Variants in TENM4 observed in about 807,000 individuals in gnomAD.
TENM4 encodes the protein teneurin transmembrane protein 4, also known as teneurin-4.
Under a neutral mutation model 243.3 loss-of-function variants are expected in TENM4, and 82 were observed. The observed-to-expected ratio is 0.34, with a 90% CI of 0.28 to 0.40. The LOEUF is 0.40. Among genes scored for constraint, TENM4 ranks in the 10% least tolerant of loss-of-function variants. The pLI is 1.00. For synonymous variants in TENM4, 1,412 were observed against 1,456.3 expected (o/e 0.97, Z 0.69); for missense variants, 3,138 against 3,673.3 (o/e 0.85, Z 3.77).
intron 18 of TENM4, among the ~76,000 whole-genome samples, chr11:78,765,704 T>C (rs1236115836): frequency 6.6e-6 from 1 of 152,214 alleles, no homozygotes; most frequent in African/African-American, 2.4e-5. Flanking sequence ...GGGCAAATCA[T>C]TTCAGTTCTC....
intron 1 of TENM4, among the ~76,000 whole-genome samples, chr11:79,403,366 T>C (rs1179469597): frequency 6.6e-6 from 1 of 152,192 alleles, no homozygotes; most frequent in African/African-American, 2.4e-5. Flanking sequence ...ATTTTACAAA[T>C]GCTTTCAGGT....
intron 1 of TENM4, among the ~76,000 whole-genome samples, chr11:79,374,700 C>T (rs945473903): frequency 4.6e-5 from 7 of 151,918 alleles, no homozygotes; most frequent in Non-Finnish European, 8.8e-5. Flanking sequence ...CACAGGCTCA[C>T]TAATAGAAAT....
intron 33 of TENM4, 101 bp downstream of exon 33, chr11:78,661,348 T>C (rs76276119): frequency 0.024 from 34,094 of 1,423,390 alleles, 841 homozygotes; most frequent in African/African-American, 0.098. Context: ...AGGCACCACA[T>C]TGGTGTCTAT....
chr11:79,126,181 G>A (rs1348749593), intron 4 of TENM4, among the ~76,000 whole-genome samples: 1 of 152,166 alleles, frequency 6.6e-6, no homozygotes, highest in Non-Finnish European at 1.5e-5. Context: ...GATCTCCCTT[G>A]GTTTAATGTA....
rs1859117371 is a variant in TENM4, at chr11:78,701,990, G to A, written c.4623C>T (p.Ser1541=). ...GCTCCCCATCAGCACACACAGCCAAGGAAGATGGGGTATTTAACTTTGCAT... is the reference window on the plus strand; with the variant it reads ...GCTCCCCATCAGCACACACAGCCAAAGAAGATGGGGTATTTAACTTTGCAT... ...AKDAKLNTPS[S]LAVCADGELY... The change falls in exon 28 of 34, where the codon TCC becomes TCT. Residue 1541 remains serine (S), a synonymous_variant. Coordinates refer to ENST00000278550, the MANE Select transcript of TENM4 (RefSeq NM_001098816.3). 1.2e-6 allele frequency: 2 copies of A among 1,614,016 alleles called. No homozygotes were observed. Among genetic ancestry groups the A allele is most frequent in the East Asian group, 4.5e-5 (2 of 44,888 alleles).
intron 1 of TENM4, among the ~76,000 whole-genome samples, chr11:79,326,267 T>C (rs1856974280): frequency 6.6e-6 from 1 of 152,184 alleles, no homozygotes; most frequent in South Asian, 2.1e-4. Context: ...CCTTTCCCCT[T>C]GGCTTCCATT....
chr11:78,903,198 A>C (rs1855971210), intron 7 of TENM4, 70 bp downstream of exon 7: 2 of 1,444,042 alleles, frequency 1.4e-6, no homozygotes, highest in Non-Finnish European at 1.8e-6. Flanking sequence ...TGGCCCCGCC[A>C]GCCAAAGACC....
intron 2 of TENM4, among the ~76,000 whole-genome samples, chr11:79,217,183 A>G (rs1244884975): frequency 2.6e-5 from 4 of 152,190 alleles, no homozygotes. Context: ...ACCCTACTCA[A>G]AAGAAGGGTA....
At chr11:78,756,118 T>C (rs1357107354) in intron 19 of TENM4, 1 of 152,630 alleles carries the variant, frequency 6.6e-6, no homozygotes, top group Non-Finnish European at 1.5e-5. Context: ...GTCTCTCCTC[T>C]TTAAGACTTG....
chr11:78,763,525 T>C (rs1591004498), intron 18 of TENM4, among the ~76,000 whole-genome samples: 2 of 152,338 alleles, frequency 1.3e-5, no homozygotes, highest in Admixed American at 1.3e-4. Context: ...TGCTAACGTT[T>C]TCATCTATGT....
At chr11:78,810,321 A>G (rs1320859292) in intron 14 of TENM4, among the ~76,000 whole-genome samples, 1 of 152,244 alleles carries the variant, frequency 6.6e-6, no homozygotes, top group East Asian at 1.9e-4. Flanking sequence ...TCAAAGTTCC[A>G]GACATTTTTT....
intron 1 of TENM4, among the ~76,000 whole-genome samples, chr11:79,414,648 A>G (rs1858774479): frequency 2.0e-5 from 3 of 152,172 alleles, no homozygotes; most frequent in Admixed American, 1.3e-4. Flanking sequence ...TTTGAGCCCT[A>G]TATGTTATGG....
chr11:78,820,966 C>T (rs2136121832), intron 12 of TENM4, among the ~76,000 whole-genome samples: 1 of 152,318 alleles, frequency 6.6e-6, no homozygotes, highest in Admixed American at 6.5e-5. Flanking sequence ...ATGTGTCGGT[C>T]CCTATGGATG....
At chr11:79,287,546 G>A (rs1319644270) in intron 2 of TENM4, among the ~76,000 whole-genome samples, 2 of 152,144 alleles carry the variant, frequency 1.3e-5, no homozygotes, top group African/African-American at 4.8e-5. Context: ...TGAGTTGGGG[G>A]TGAGGAAGGG....
chr11:79,054,129 T>C (rs1302943637), intron 6 of TENM4, among the ~76,000 whole-genome samples: 1 of 152,144 alleles, frequency 6.6e-6, no homozygotes, highest in Admixed American at 6.5e-5. Context: ...CGGGGATGCT[T>C]TTCCTGCTGT....
Position 78,732,418 on chromosome 11 carries a change from G to A in TENM4, c.3036C>T (p.Asp1012=), listed in dbSNP as rs1855691407. 2.5e-6 allele frequency: 4 copies of A among 1,613,942 alleles called. No individual in the cohort carries two copies. Among genetic ancestry groups the A allele is most frequent in the Non-Finnish European group, 3.4e-6 (4 of 1,179,868 alleles). Residue 1012 remains aspartate (D), a synonymous_variant, in exon 21 of 34, where the codon GAC becomes GAT. Transcript: ENST00000278550. ...GGTTGGGGCGGGCAAAATTGCTCAG[G>A]TCACAGCTGGGAATCTCATTCTCCT... The part of the protein sequence containing the change: ...RHEENEIPSC[D]LSNFARPNPV...
intron 2 of TENM4, among the ~76,000 whole-genome samples, chr11:79,246,260 T>G (rs576574): frequency 0.21 from 31,802 of 152,152 alleles, 4,877 homozygotes; most frequent in African/African-American, 0.44. Flanking sequence ...ATATGACTTA[T>G]TTCTCAGATT....
intron 6 of TENM4, among the ~76,000 whole-genome samples, chr11:79,011,046 G>A (rs1858628716): frequency 6.6e-6 from 1 of 152,222 alleles, no homozygotes; most frequent in Non-Finnish European, 1.5e-5. Context: ...AATGTTTGAT[G>A]TGTAGTAGGT....
intron 6 of TENM4, among the ~76,000 whole-genome samples, chr11:79,024,052 G>A (rs1376976441): frequency 6.6e-6 from 1 of 152,258 alleles, no homozygotes; most frequent in Non-Finnish European, 1.5e-5. Context: ...CCTGATCTAT[G>A]AGGTTTGTAA....
Sources: gnomAD v4.1 joint callset for allele counts (sites outside exome capture counted in the v4.1 genomes callset) on GRCh38, gnomAD v4.1.1 for gene constraint, MANE v1.5 for transcripts, NCBI Gene and HGNC (gene_info 2026-07-23, HGNC 2026-07-21) for gene names.